RFX4: variants seen among roughly 807,000 people sequenced by gnomAD.
RFX4 encodes transcription factor RFX4.
In RFX4, 10 loss-of-function variants were observed where a neutral mutation model predicts 95.0. That is an observed-to-expected ratio of 0.11 (90% CI 0.06 to 0.18). RFX4 has a LOEUF of 0.18. RFX4 is among the 10% of genes least tolerant of loss of function. The pLI is 1.00. For missense variants in RFX4, 640 were observed against 922.0 expected (o/e 0.69, Z 3.96); for synonymous variants, 321 against 340.7 (o/e 0.94, Z 0.64).
At chr12:106,695,888 G>T (rs974148048) in intron 7 of RFX4, among the ~76,000 whole-genome samples, 4 of 152,130 alleles carry the variant, frequency 2.6e-5, no homozygotes, top group Non-Finnish European at 4.4e-5. Context: ...GGCCCCTGAG[G>T]TTCAGTGGGC....
At chr12:106,737,001 G>A (rs191857241) in intron 15 of RFX4, among the ~76,000 whole-genome samples, 2 of 151,592 alleles carry the variant, frequency 1.3e-5, no homozygotes, top group Non-Finnish European at 2.9e-5. Flanking sequence ...CTTCTTCTTG[G>A]GCTAGCCTCC....
At chr12:106,611,293 T>C (rs1026786415) in intron 2 of RFX4, among the ~76,000 whole-genome samples, 8 of 152,238 alleles carry the variant, frequency 5.3e-5, no homozygotes, top group Admixed American at 2.6e-4. Flanking sequence ...TGTTCTTTAA[T>C]GCACAGAAAT....
At chr12:106,660,882 C>T (rs186112703) in intron 4 of RFX4, among the ~76,000 whole-genome samples, 39 of 152,252 alleles carry the variant, frequency 2.6e-4, no homozygotes, top group African/African-American at 8.9e-4. Context: ...AATCTAATGC[C>T]TGATGATCTG....
At chr12:106,752,219 C>G (rs961236800) in intron 17 of RFX4, among the ~76,000 whole-genome samples, 2 of 149,888 alleles carry the variant, frequency 1.3e-5, no homozygotes, top group African/African-American at 4.9e-5. Context: ...GCTTGTTTTT[C>G]TCAGGTTTGT....
At chr12:106,707,390 G>A (rs149565734) in intron 8 of RFX4, among the ~76,000 whole-genome samples, 11 of 152,136 alleles carry the variant, frequency 7.2e-5, no homozygotes, top group African/African-American at 2.2e-4. Flanking sequence ...TAAACTACCC[G>A]GGGAAGGAAG....
intron 15 of RFX4, among the ~76,000 whole-genome samples, chr12:106,746,746 T>G (rs192793361): frequency 3.9e-5 from 6 of 152,212 alleles, no homozygotes; most frequent in Admixed American, 3.3e-4. Context: ...AATCTACTTA[T>G]GTTTGCTTAA....
At chr12:106,646,812 A>G (rs1195597554) in intron 3 of RFX4, among the ~76,000 whole-genome samples, 1 of 152,162 alleles carries the variant, frequency 6.6e-6, no homozygotes, top group East Asian at 1.9e-4. Context: ...CTACACAAAG[A>G]GGGGGACATT....
intron 7 of RFX4, among the ~76,000 whole-genome samples, chr12:106,695,531 C>T (rs937934814): frequency 2.0e-5 from 3 of 152,148 alleles, no homozygotes; most frequent in Non-Finnish European, 4.4e-5. Context: ...GGCTCAAGTT[C>T]CTGCTATCAT....
intron 7 of RFX4, among the ~76,000 whole-genome samples, chr12:106,690,352 T>A (rs2041754121): frequency 6.6e-6 from 1 of 152,214 alleles, no homozygotes. Flanking sequence ...ATAATTTCAG[T>A]GATTTTTTTC....
At position 106,583,151 on chromosome 12, in the gene RFX4, T is replaced by TTTTTC; in HGVS notation, c.-159_-155dup. 1 of 529,060 alleles carries TTTTTC rather than the reference T, an allele frequency of 1.9e-6. No individual in the cohort carries two copies. The highest frequency in any genetic ancestry group is 3.9e-5 in the South Asian group (1 of 25,344). The allele number at this position is 529,060 out of a possible 1,614,324, so 32.8% of individuals were successfully genotyped here. A position where few individuals can be genotyped will look rare whatever the true frequency, so the allele number is the denominator to read the frequency against. Reference sequence around the variant, plus strand: ...CTTCTTTCTCTTTTCTTTCCTCTTCTTTTTCTTTTCTTTTCCTTTCCTCCT... The same window carrying TTTTTC: ...CTTCTTTCTCTTTTCTTTCCTCTTCTTTTTCTTTTCTTTTCTTTTCCTTTCCTCCT... On this transcript the variant is annotated 5_prime_UTR_variant, in exon 1 of 18. Transcript: ENST00000392842.
intron 17 of RFX4, among the ~76,000 whole-genome samples, chr12:106,751,897 C>T (rs2043013019): frequency 6.7e-6 from 1 of 148,540 alleles, no homozygotes. Flanking sequence ...TGCCTGTTCA[C>T]TCTGATGGTA....
At chr12:106,634,075 C>T (rs1414960838) in intron 2 of RFX4, among the ~76,000 whole-genome samples, 2 of 152,176 alleles carry the variant, frequency 1.3e-5, no homozygotes, top group Non-Finnish European at 2.9e-5. Context: ...AAAGATGAGG[C>T]AAATAGGATA....
At chr12:106,719,293 C>T (rs1459655375) in intron 11 of RFX4, among the ~76,000 whole-genome samples, 1 of 152,168 alleles carries the variant, frequency 6.6e-6, no homozygotes, top group Non-Finnish European at 1.5e-5. Flanking sequence ...ACATGCCACA[C>T]AGAGAGGCTG....
intron 2 of RFX4, among the ~76,000 whole-genome samples, chr12:106,619,462 A>G (rs1036990253): frequency 2.0e-5 from 3 of 152,096 alleles, no homozygotes; most frequent in Non-Finnish European, 1.5e-5. Context: ...CATCAGATGT[A>G]TTGTTACTCC....
intron 4 of RFX4, among the ~76,000 whole-genome samples, chr12:106,662,775 A>G (rs538370575): frequency 3.3e-5 from 5 of 151,982 alleles, no homozygotes; most frequent in South Asian, 2.1e-4. Context: ...CTTTTTTTGC[A>G]TGTGTATATT....
chr12:106,626,349 T>C (rs2040299155), intron 2 of RFX4, among the ~76,000 whole-genome samples: 2 of 152,180 alleles, frequency 1.3e-5, no homozygotes, highest in Non-Finnish European at 2.9e-5. Flanking sequence ...AAAGGATCCA[T>C]GTGGTTCCTG....
intron 5 of RFX4, 33 bp downstream of exon 5, chr12:106,682,087 C>T (rs769967438): frequency 7.4e-6 from 12 of 1,610,858 alleles, no homozygotes; most frequent in Admixed American, 5.0e-5. Context: ...ACCTGCAGAG[C>T]GCACATCTAT....
At chr12:106,656,501 G>C (rs1189138616) in intron 4 of RFX4, among the ~76,000 whole-genome samples, 3 of 152,146 alleles carry the variant, frequency 2.0e-5, no homozygotes, top group Non-Finnish European at 4.4e-5. Flanking sequence ...TGTAGGAGAG[G>C]TTTACATCCC....
chr12:106,697,728 G>A (rs2041908473), intron 8 of RFX4, among the ~76,000 whole-genome samples: 1 of 151,904 alleles, frequency 6.6e-6, no homozygotes, highest in Admixed American at 6.6e-5. Context: ...CCTTCACAGT[G>A]CTTCCTGCTC....
Sources: allele counts gnomAD v4.1 joint callset (sites outside exome capture counted in the v4.1 genomes callset), GRCh38; gene constraint gnomAD v4.1.1; transcripts MANE v1.5; gene names NCBI Gene and HGNC (gene_info 2026-07-23, HGNC 2026-07-21).